The following TESC variants were observed in gnomAD, a reference collection of about 807,000 sequenced individuals.
The protein encoded by TESC is tescalcin, also known as calcineurin B homologous protein 3.
A neutral mutation model predicts 31.0 loss-of-function variants in TESC; 19 were observed. The ratio of observed to expected loss-of-function variants is 0.61; its 90% CI spans 0.43 to 0.90. The LOEUF (loss-of-function observed/expected upper bound fraction) is 0.90. TESC is among the 40% of genes least tolerant of loss of function. The pLI, the probability that TESC is intolerant of heterozygous loss-of-function variation, is 0.00. For missense variants in TESC, 248 were observed against 303.8 expected, an observed-to-expected ratio of 0.82 and a Z score of 1.36; for synonymous variants, 109 against 114.8, an observed-to-expected ratio of 0.95 and a Z score of 0.32.
chr12:117,039,574 A>G (rs1954451607), intron 7 of TESC, among the ~76,000 whole-genome samples: 1 of 135,280 alleles, frequency 7.4e-6, no homozygotes, highest in Admixed American at 7.0e-5. Context: ...CCCTTCCCCA[A>G]CCTGTGCCGC....
intron 2 of TESC, among the ~76,000 whole-genome samples, chr12:117,073,037 G>C (rs1954994756): frequency 6.6e-6 from 1 of 152,180 alleles, no homozygotes. Flanking sequence ...CCTTGACACT[G>C]TTTTCCAGCA....
At chr12:117,088,085 C>T (rs578230428) in intron 1 of TESC, among the ~76,000 whole-genome samples, 2 of 152,248 alleles carry the variant, frequency 1.3e-5, no homozygotes, top group African/African-American at 4.8e-5. Context: ...GGATTTAGAC[C>T]GAGGTCCATG....
At chr12:117,044,832 G>A (rs1954533393) in intron 6 of TESC, among the ~76,000 whole-genome samples, 1 of 152,220 alleles carries the variant, frequency 6.6e-6, no homozygotes, top group Admixed American at 6.5e-5. Flanking sequence ...AGGAGGTGGA[G>A]GTTGCAGTGA....
intron 4 of TESC, chr12:117,048,612 G>A (rs938040735): frequency 1.4e-5 from 6 of 428,686 alleles, no homozygotes; most frequent in Admixed American, 7.5e-5. Context: ...TTTAGGGAGC[G>A]CTTCCTGTGT....
chr12:117,094,358 C>CT (rs1338607814), intron 1 of TESC, among the ~76,000 whole-genome samples: 1 of 152,170 alleles, frequency 6.6e-6, no homozygotes, highest in African/African-American at 2.4e-5. Context: ...CAGCCGAGGA[C>CT]AGCTGGTGAG....
At chr12:117,090,104 A>G (rs947157868) in intron 1 of TESC, among the ~76,000 whole-genome samples, 3 of 152,246 alleles carry the variant, frequency 2.0e-5, no homozygotes, top group Admixed American at 6.5e-5. Context: ...TCATTCATGC[A>G]TGCCTGCAAA....
chr12:117,092,397 G>A (rs1955325014), intron 1 of TESC, among the ~76,000 whole-genome samples: 2 of 152,260 alleles, frequency 1.3e-5, no homozygotes, highest in Admixed American at 1.3e-4. Context: ...AGAGCAGGCA[G>A]GTGCCTTTGG....
intron 3 of TESC, among the ~76,000 whole-genome samples, chr12:117,052,763 C>A (rs1954666030): frequency 6.6e-6 from 1 of 150,814 alleles, no homozygotes; most frequent in African/African-American, 2.4e-5. Context: ...CCACACCCAA[C>A]CCACCCCCAG....
intron 2 of TESC, among the ~76,000 whole-genome samples, chr12:117,065,856 T>C (rs1218110520): frequency 6.6e-6 from 1 of 152,156 alleles, no homozygotes; most frequent in African/African-American, 2.4e-5. Flanking sequence ...CACTTCAGCT[T>C]GGGCAACAGA....
chr12:117,090,385 A>G (rs747355429), intron 1 of TESC, among the ~76,000 whole-genome samples: 4 of 152,232 alleles, frequency 2.6e-5, no homozygotes, highest in Non-Finnish European at 5.9e-5. Flanking sequence ...AATGAAATGA[A>G]TTACTAAAAA....
chr12:117,075,905 A>ATGTGTGTG (rs1565971589), intron 1 of TESC, among the ~76,000 whole-genome samples: 5 of 76,692 alleles, frequency 6.5e-5, no homozygotes, highest in South Asian at 3.9e-4. Context: ...ATATATATAT[A>ATGTGTGTG]TATATATATG....
At chr12:117,049,427 G>A (rs560920328) in intron 3 of TESC, among the ~76,000 whole-genome samples, 3 of 152,314 alleles carry the variant, frequency 2.0e-5, no homozygotes, top group Admixed American at 1.3e-4. Flanking sequence ...TGATTCAGGC[G>A]GTGACAGAGG....
intron 4 of TESC, among the ~76,000 whole-genome samples, chr12:117,048,320 C>T (rs1250375386): frequency 6.6e-6 from 1 of 152,224 alleles, no homozygotes; most frequent in Non-Finnish European, 1.5e-5. Flanking sequence ...CCGGGCTGTT[C>T]CCACCAGCCC....
intron 1 of TESC, among the ~76,000 whole-genome samples, chr12:117,086,159 T>G (rs1406035191): frequency 2.0e-5 from 3 of 152,168 alleles, no homozygotes; most frequent in African/African-American, 7.2e-5. Context: ...GAGTGACTGC[T>G]AATGGGTATG....
At chr12:117,045,408 T>C (rs1425889421) in intron 6 of TESC, among the ~76,000 whole-genome samples, 4 of 152,102 alleles carry the variant, frequency 2.6e-5, no homozygotes, top group African/African-American at 7.2e-5. Context: ...CAGGGAGTAA[T>C]TTGAACAAGG....
chr12:117,055,986 T>C lies in TESC; in HGVS notation c.209+820A>G, dbSNP rs1308943133. 2.0e-5 allele frequency among the ~76,000 whole-genome samples: 3 copies of C among 147,282 alleles called. No homozygotes were observed. The East Asian group carries it at 6.4e-4, about 31-fold the overall frequency. On this transcript the variant is annotated intron_variant, in intron 3 of 7. Transcript: ENST00000335209. ...CCCAGGCTGGAGTGCGGTGGCATAA[T>C]CTCGGCTCACTGCAACGTCCGCCTC...
chr12:117,078,392 G>T (rs1352474238), intron 1 of TESC, among the ~76,000 whole-genome samples: 1 of 152,126 alleles, frequency 6.6e-6, no homozygotes, highest in East Asian at 1.9e-4. Context: ...CTTGAGCCCG[G>T]GAGGCGGAGG....
intron 1 of TESC, among the ~76,000 whole-genome samples, chr12:117,096,392 G>A (rs1955395885): frequency 6.6e-6 from 1 of 152,152 alleles, no homozygotes; most frequent in African/African-American, 2.4e-5. Context: ...ACGTTCCCAT[G>A]CCAAGCCGAT....
chr12:117,059,068 A>G (rs142536844), intron 2 of TESC, among the ~76,000 whole-genome samples: 1 of 152,334 alleles, frequency 6.6e-6, no homozygotes, highest in Non-Finnish European at 1.5e-5. Context: ...GGGAAGGCAG[A>G]GGGTATCAGC....
Sources: allele counts gnomAD v4.1 joint callset (sites outside exome capture counted in the v4.1 genomes callset), GRCh38; gene constraint gnomAD v4.1.1; transcripts MANE v1.5; gene names NCBI Gene and HGNC (gene_info 2026-07-23, HGNC 2026-07-21).